CDKN2AIP: variants seen among roughly 807,000 people sequenced by gnomAD.
CDKN2AIP encodes the protein CDKN2A-interacting protein.
CDKN2AIP carries 12 observed loss-of-function variants against 44.1 expected under a neutral mutation model. That is an observed-to-expected ratio of 0.27 (90% CI 0.17 to 0.44). The LOEUF (loss-of-function observed/expected upper bound fraction) is 0.44, where lower values mean the gene tolerates loss of function less well. Ranked by LOEUF, CDKN2AIP falls within the 20% of genes least tolerant of loss-of-function variation. CDKN2AIP has a pLI of 1.00. For missense variants in CDKN2AIP, 705 were observed against 681.6 expected (o/e 1.03, Z -0.38); for synonymous variants, 291 against 272.1 (o/e 1.07, Z -0.68).
At position 183,445,602 on chromosome 4, in the gene CDKN2AIP, A is replaced by G. The variant is rs200183773; in HGVS notation, c.340A>G (p.Thr114Ala). 234 of 1,609,644 alleles carry G rather than the reference A, an allele frequency of 1.5e-4. No individual in the cohort carries two copies. Among genetic ancestry groups the G allele is most frequent in the Non-Finnish European group, 1.8e-4 (216 of 1,176,046 alleles). Residue 114 changes from threonine (T) to alanine (A), a missense_variant, in exon 2 of 3, where the codon ACC becomes GCC. Coordinates refer to ENST00000504169, the MANE Select transcript of CDKN2AIP (RefSeq NM_017632.4). ...AEGIKVTDAP[T>A]YTTRDELVAK... ...AGGCATCAAAGTGACAGATGCTCCA[A>G]CCTATACAACAAGAGATGAACTGGT...
Position 183,446,452 on chromosome 4 carries a change from G to A in CDKN2AIP, c.768G>A (p.Met256Ile), listed in dbSNP as rs79181273. ...TGAAATCCAGTGTGAATAGTCACAT[G>A]ACCCAATCCACTGATTCTAGACAAC... ...SLLKSSVNSH[M>I]TQSTDSRQQS... Residue 256 changes from methionine (M) to isoleucine (I), a missense_variant, in exon 3 of 3, where the codon ATG becomes ATA. Physicochemically the swap from Met to Ile is conservative, Grantham distance 10 (BLOSUM62 1). Coordinates refer to ENST00000504169, the MANE Select transcript of CDKN2AIP (RefSeq NM_017632.4). 1 of 1,613,906 alleles carries A rather than the reference G, an allele frequency of 6.2e-7. No individual in the cohort carries two copies. Among genetic ancestry groups the A allele is most frequent in the South Asian group, 1.1e-5 (1 of 91,026 alleles).
At position 183,448,149 on chromosome 4, in the gene CDKN2AIP, T is replaced by C. The variant is rs1733722901; in HGVS notation, c.*722T>C. On this transcript the variant is annotated 3_prime_UTR_variant, in exon 3 of 3. Transcript: ENST00000504169. ...ATATTTTGTGACTACTATTAACAGA[T>C]TGATTTGTTTAGATATTAAATGCTT... The C allele has an allele frequency of 6.6e-6, 1 of 152,208 alleles. No individual in the cohort carries two copies. Among genetic ancestry groups the C allele is most frequent in the Non-Finnish European group, 1.5e-5 (1 of 68,010 alleles). 9.4% of individuals were successfully genotyped at this position (152,208 alleles called of 1,614,324 possible). A position where few individuals can be genotyped will look rare whatever the true frequency, so the allele number is the denominator to read the frequency against.
At position 183,445,655 on chromosome 4, in the gene CDKN2AIP, G is replaced by C. The variant is rs146932991; in HGVS notation, c.393G>C (p.Ser131=). Residue 131 remains serine (S), a synonymous_variant, in exon 2 of 3, where the codon TCG becomes TCC. Coordinates refer to ENST00000504169, the MANE Select transcript of CDKN2AIP (RefSeq NM_017632.4). ...CCAAGGTGAAGAAAAGAGGGATATC[G>C]AGTAGCAATGGTTAGCAGATCATAG... is the stretch of plus-strand genomic sequence containing the variant. The part of the protein sequence containing the change: ...LVAKVKKRGI[S]SSNEGVEEPS... 1.2e-6 allele frequency: 2 copies of C among 1,610,494 alleles called. No homozygotes were observed. The highest frequency in any genetic ancestry group is 1.3e-5 in the African/African-American group (1 of 74,832).
In CDKN2AIP at chr4:183,446,942, A is replaced by G. The variant is rs777982179; in HGVS notation, c.1258A>G (p.Ser420Gly). Residue 420 changes from serine (S) to glycine (G), a missense_variant, in exon 3 of 3, where the codon AGT becomes GGT. Ser to Gly is a moderately conservative substitution (Grantham distance 56). This residue lies in a region of CDKN2AIP where 592 missense variants were observed against 518.0 expected (regional missense o/e 1.14). Coordinates refer to ENST00000504169, the MANE Select transcript of CDKN2AIP (RefSeq NM_017632.4). Reference sequence around the variant, plus strand: ...TAAAAGTACTTCACAGTCAAGTGAGAGTTCTGTCAAATTCTCTTGCAAGTT... The same window carrying G: ...TAAAAGTACTTCACAGTCAAGTGAGGGTTCTGTCAAATTCTCTTGCAAGTT... ...PSKSTSQSSESSVKFSCKLTN... is the reference protein window; with the variant it reads ...PSKSTSQSSEGSVKFSCKLTN... 2.5e-6 allele frequency: 4 copies of G among 1,614,240 alleles called. No individual in the cohort carries two copies. The East Asian group carries it at 6.7e-5, about 27-fold the overall frequency.
rs1315090721 is a variant in CDKN2AIP at position 183,446,159 on chromosome 4, G to A, written c.475G>A (p.Ala159Thr). The A allele has an allele frequency of 3.7e-6, 6 of 1,613,858 alleles. No homozygotes were observed. The highest frequency in any genetic ancestry group is 2.2e-5 in the South Asian group (2 of 91,076). ...CAGTTCTGCAGTTGAGCAAGATCAC[G>A]CAAAAACCTCTGCCAAGACAGAACG... is the stretch of plus-strand genomic sequence containing the variant. ...KNSSAVEQDHAKTSAKTERAS... is the reference protein window; with the variant it reads ...KNSSAVEQDHTKTSAKTERAS... Residue 159 changes from alanine (A) to threonine (T), a missense_variant, in exon 3 of 3, where the codon GCA becomes ACA. By Grantham distance (58) the Ala-to-Thr change is moderately conservative. Transcript: ENST00000504169.
At position 183,446,766 on chromosome 4, in the gene CDKN2AIP, A is replaced by G; in HGVS notation, c.1082A>G (p.Lys361Arg). The G allele has an allele frequency of 6.2e-7, 1 of 1,614,222 alleles. No individual in the cohort carries two copies. Among genetic ancestry groups the G allele is most frequent in the Non-Finnish European group, 8.5e-7 (1 of 1,180,034 alleles). The change falls in exon 3 of 3, where the codon AAG becomes AGG. Residue 361 changes from lysine to arginine, a missense_variant. By Grantham distance (26) the Lys-to-Arg change is conservative. Around this residue, in one of 2 missense-constraint regions of CDKN2AIP, gnomAD observed 592 missense variants for 518.0 expected, o/e 1.14. Transcript: ENST00000504169. The part of the protein sequence containing the change: ...SSTNTSLLTS[K>R]STSQVAASLL... ...ACAAATACATCGCTGCTAACTTCCA[A>G]GAGCACTTCCCAGGTAGCTGCATCA...
In CDKN2AIP at chr4:183,444,820, A is replaced by G. The variant is rs1456466670; in HGVS notation, c.23A>G (p.Tyr8Cys). MAQEVSE[Y>C]LSQNPRVAAW... Reference sequence around the variant, plus strand: ...AACATGGCGCAGGAGGTGTCGGAGTACCTGAGCCAGAACCCGCGGGTGGCA... The same window carrying G: ...AACATGGCGCAGGAGGTGTCGGAGTGCCTGAGCCAGAACCCGCGGGTGGCA... The change falls in exon 1 of 3, where the codon TAC becomes TGC. Residue 8 changes from tyrosine (Y) to cysteine (C), a missense_variant. This residue lies in a region of CDKN2AIP where 592 missense variants were observed against 518.0 expected (regional missense o/e 1.14). Transcript: ENST00000504169. 1.3e-6 allele frequency: 2 copies of G among 1,552,568 alleles called. No individual in the cohort carries two copies.
rs1358199822 is a variant in CDKN2AIP, at chr4:183,446,224, G to GTCT, written c.542_543insTTC (p.Ser181dup). The GTCT allele has an allele frequency of 3.1e-6, 5 of 1,614,036 alleles. No individual in the cohort carries two copies. The highest frequency in any genetic ancestry group is 4.5e-5 in the East Asian group (2 of 44,902). On this transcript the variant is annotated inframe_insertion, in exon 3 of 3. Coordinates refer to ENST00000504169, the MANE Select transcript of CDKN2AIP (RefSeq NM_017632.4). ...AGGAAAACAGTTCAACGTGTATAGG[G>GTCT]TCGGCCATCAAATCAGAGAGTGGGA...
In CDKN2AIP at chr4:183,446,749, A is replaced by G. The variant is rs1733691644; in HGVS notation, c.1065A>G (p.Thr355=). 4 of 1,614,012 alleles carry G rather than the reference A, an allele frequency of 2.5e-6. No homozygotes were observed. Among genetic ancestry groups the G allele is most frequent in the Non-Finnish European group, 3.4e-6 (4 of 1,179,970 alleles). ...LTPKSSSSTN[T]SLLTSKSTSQ... is the part of the protein sequence containing the mutation. ...CCAAGAGCAGCTCTTCAACAAATAC[A>G]TCGCTGCTAACTTCCAAGAGCACTT... The change falls in exon 3 of 3, where the codon ACA becomes ACG. Residue 355 remains threonine (T), a synonymous_variant. Coordinates refer to ENST00000504169, the MANE Select transcript of CDKN2AIP (RefSeq NM_017632.4).
rs766066033 is a variant in CDKN2AIP at position 183,446,678 on chromosome 4, T to C, written c.994T>C (p.Ser332Pro). ...TAGTTCAGAGGCAAGTGTTTCATCA[T>C]CAGTTGCTAAAAACAGTTCCTCATC... is the stretch of plus-strand genomic sequence containing the variant. ...KTSSEASVSS[S>P]VAKNSSSSGT... is the part of the protein sequence containing the mutation. Residue 332 changes from serine to proline, a missense_variant, in exon 3 of 3, where the codon TCA (serine) becomes CCA (proline). Transcript: ENST00000504169. The C allele has an allele frequency of 1.4e-5, 22 of 1,614,008 alleles. No homozygotes were observed. The highest frequency in any genetic ancestry group is 1.8e-5 in the Non-Finnish European group (21 of 1,179,964).
In CDKN2AIP at chr4:183,444,962, T is replaced by C. The variant is rs574257042; in HGVS notation, c.165T>C (p.Ala55=). 5.8e-5 allele frequency: 94 copies of C among 1,611,264 alleles called. 1 individual carries two copies. The highest frequency in any genetic ancestry group is 1.7e-4 in the Middle Eastern group (1 of 6,040). The part of the protein sequence containing the change: ...DLAPAGGAAS[A]STDEAADAES... ...CCCCCGCTGGCGGCGCTGCCTCCGC[T>C]AGCACGGATGAAGCTGCCGACGCCG... The change falls in exon 1 of 3, where the codon GCT becomes GCC. Residue 55 remains alanine (A), a synonymous_variant. Transcript: ENST00000504169.
Position 183,444,968 on chromosome 4 carries a change from G to A in CDKN2AIP, c.171G>A (p.Thr57=), listed in dbSNP as rs1253826530. 1.9e-6 allele frequency: 3 copies of A among 1,610,092 alleles called. No individual in the cohort carries two copies. The highest frequency in any genetic ancestry group is 1.7e-4 in the Middle Eastern group (1 of 6,060). ...CTGGCGGCGCTGCCTCCGCTAGCAC[G>A]GATGAAGCTGCCGACGCCGAGAGCG... The part of the protein sequence containing the change: ...APAGGAASAS[T]DEAADAESGT... Residue 57 remains threonine (T), a synonymous_variant, in exon 1 of 3, where the codon ACG becomes ACA. Transcript: ENST00000504169.
rs769781168 is a variant in CDKN2AIP at position 183,447,445 on chromosome 4, T to G, written c.*18T>G. ...TACTATAATGTGTCCAAAATATCAC[T>G]GCATACAATATCTGGTATTTGAAGA... On this transcript the variant is annotated 3_prime_UTR_variant, in exon 3 of 3. Transcript: ENST00000504169. 6.7e-7 allele frequency: 1 copy of G among 1,484,136 alleles called. No individual in the cohort carries two copies. Among genetic ancestry groups the G allele is most frequent in the Non-Finnish European group, 9.0e-7 (1 of 1,111,478 alleles). 91.9% of individuals were successfully genotyped at this position (1,484,136 alleles called of 1,614,324 possible). A position where few individuals can be genotyped will look rare whatever the true frequency, so the allele number is the denominator to read the frequency against.
Position 183,447,137 on chromosome 4 carries a change from C to T in CDKN2AIP, c.1453C>T (p.Leu485=). ...KATLDVFFVP[L]KELADLPQNK... ...AACACTGGATGTATTTTTTGTCCCA[C>T]TAAAAGAATTGGCAGATCTGCCTCA... The change falls in exon 3 of 3, where the codon CTA becomes TTA. Residue 485 remains leucine, a synonymous_variant. Transcript: ENST00000504169. The T allele has an allele frequency of 6.2e-7, 1 of 1,614,060 alleles. No homozygotes were observed. The highest frequency in any genetic ancestry group is 8.5e-7 in the Non-Finnish European group (1 of 1,179,934).
chr4:183,447,481 C>T lies in CDKN2AIP; in HGVS notation c.*54C>T, dbSNP rs1166211368. 6.0e-6 allele frequency: 8 copies of T among 1,322,926 alleles called. No homozygotes were observed. In the Admixed American group the frequency reaches 2.0e-4, roughly 34 times the overall value. 81.9% of individuals were successfully genotyped at this position (1,322,926 alleles called of 1,614,324 possible). A position where few individuals can be genotyped will look rare whatever the true frequency, so the allele number is the denominator to read the frequency against. On this transcript the variant is annotated 3_prime_UTR_variant, in exon 3 of 3. Transcript: ENST00000504169. ...TCTGGTATTTGAAGAGAAAAACTGA[C>T]TTTTGTATAGTATAAAACACAGGCT...
rs757936220 is a variant in CDKN2AIP at position 183,444,863 on chromosome 4, G to A, written c.66G>A (p.Leu22=). 6.3e-7 allele frequency: 1 copy of A among 1,585,966 alleles called. No individual in the cohort carries two copies. Among genetic ancestry groups the A allele is most frequent in the Non-Finnish European group, 8.6e-7 (1 of 1,166,090 alleles). Residue 22 remains leucine (L), a synonymous_variant, in exon 1 of 3, where the codon CTG becomes CTA. Transcript: ENST00000504169. ...NPRVAAWVEA[L]RCDGETDKHW... ...GGGTGGCAGCCTGGGTGGAGGCGCT[G>A]CGCTGCGACGGCGAGACTGACAAAC... is the stretch of plus-strand genomic sequence containing the variant.
Position 183,447,335 on chromosome 4 carries a change from G to A in CDKN2AIP, c.1651G>A (p.Gly551Ser). Residue 551 changes from glycine to serine, a missense_variant, in exon 3 of 3, where the codon GGC becomes AGC. Physicochemically the swap from Gly to Ser is moderately conservative, Grantham distance 56. This residue lies in a region of CDKN2AIP where 113 missense variants were observed against 163.6 expected (regional missense o/e 0.69). Coordinates refer to ENST00000504169, the MANE Select transcript of CDKN2AIP (RefSeq NM_017632.4). ...AAAAATATGTAAAAGGAAATACAGA[G>A]GCAGTGAAATAGAAGATCTAGTACT... is the stretch of plus-strand genomic sequence containing the variant. ...VVKICKRKYR[G>S]SEIEDLVLLD... 6.2e-7 allele frequency: 1 copy of A among 1,609,220 alleles called. No homozygotes were observed. The highest frequency in any genetic ancestry group is 8.5e-7 in the Non-Finnish European group (1 of 1,177,886).
intron 1 of CDKN2AIP, chr4:183,445,322 C>T (rs972817461): frequency 7.1e-5 from 44 of 621,832 alleles, no homozygotes; most frequent in Non-Finnish European, 2.2e-5. Flanking sequence ...GAACAACGCT[C>T]TTGGGGACGG....
chr4:183,446,089 AG>A lies in CDKN2AIP; in HGVS notation c.409del (p.Val137Ter). ...KKRGISSSNE[G>X]VEEPSKKRVI... ...TATCTATGTTTTTCTTCTTTTTAGA[AG>A]GGGTAGAAGAGCCATCCAAAAAACG... On this transcript the variant is annotated frameshift_variant and splice_region_variant, in exon 3 of 3. Transcript: ENST00000504169. LOFTEE classifies it high-confidence loss of function. 6.3e-7 allele frequency: 1 copy of A among 1,588,176 alleles called. No homozygotes were observed. The highest frequency in any genetic ancestry group is 8.6e-7 in the Non-Finnish European group (1 of 1,169,386).
Sources: allele counts gnomAD v4.1 joint callset, GRCh38; gene constraint gnomAD v4.1.1; regional missense constraint gnomAD v4.1.1; transcripts MANE v1.5; gene names NCBI Gene and HGNC (gene_info 2026-07-23, HGNC 2026-07-21).